The following GATAD2B variants were observed in gnomAD, a reference collection of about 807,000 sequenced individuals.
GATAD2B encodes the protein GATA zinc finger domain containing 2B.
GATAD2B carries 8 observed loss-of-function variants against 64.3 expected under a neutral mutation model. The ratio of observed to expected loss-of-function variants is 0.12; its 90% confidence interval spans 0.07 to 0.22. The LOEUF is 0.22. Among genes scored for constraint, GATAD2B ranks in the 10% least tolerant of loss-of-function variants. The pLI, the probability that GATAD2B is intolerant of heterozygous loss-of-function variation, is 1.00. For missense variants in GATAD2B, 453 were observed against 752.0 expected (o/e 0.60, Z 4.65); for synonymous variants, 281 against 271.3 (o/e 1.04, Z -0.35).
chr1:153,836,638 C>T (rs1053509470), intron 1 of GATAD2B, among the ~76,000 whole-genome samples: 3 of 151,752 alleles, frequency 2.0e-5, no homozygotes, highest in African/African-American at 4.8e-5. Flanking sequence ...GCTATGATTG[C>T]GCCACTCTAC....
At chr1:153,840,341 A>ACTTATTT (rs1244214435) in intron 1 of GATAD2B, among the ~76,000 whole-genome samples, 3 of 109,444 alleles carry the variant, frequency 2.7e-5, no homozygotes, top group East Asian at 4.4e-4. Context: ...TGCTGAAAAT[A>ACTTATTT]CTTATTTTTT....
intron 1 of GATAD2B, among the ~76,000 whole-genome samples, chr1:153,862,206 T>C (rs1676324958): frequency 7.5e-6 from 1 of 132,768 alleles, no homozygotes; most frequent in Non-Finnish European, 1.6e-5. Flanking sequence ...CACTGCAAAC[T>C]CCACCTCCCA....
Position 153,853,606 on chromosome 1 carries a change from G to A in GATAD2B, c.-1-25258C>T, listed in dbSNP as rs72694235. ...CCATTCTGCTGTTTGCTGTGCAGAA[G>A]CTTTTTAGGTTGATGCAGTTCCACT... On this transcript the variant is annotated intron_variant, in intron 1 of 10. Transcript: ENST00000368655. Among the ~76,000 whole-genome samples, 281 of 152,270 alleles carry A rather than the reference G, an allele frequency of 1.8e-3. 1 individual carries two copies. Among genetic ancestry groups the A allele is most frequent in the Admixed American group, 3.2e-3 (49 of 15,286 alleles).
At chr1:153,904,965 C>T (rs954928561) in intron 1 of GATAD2B, among the ~76,000 whole-genome samples, 1 of 152,046 alleles carries the variant, frequency 6.6e-6, no homozygotes, top group Admixed American at 6.6e-5. Context: ...CCTTGGCCTC[C>T]CGAAGTGCTG....
rs148732990 is a variant in GATAD2B at position 153,922,189 on chromosome 1, T to C, written c.-2+544A>G. On this transcript the variant is annotated intron_variant, in intron 1 of 10. Transcript: ENST00000368655. The stretch of plus-strand genomic sequence containing the variant: ...AAAGATAATTATCTGGTGCTTCCTT[T>C]ACCCTTAGATTCCCCATTCGTCCCA... Among the ~76,000 whole-genome samples, 19 of 151,732 alleles carry C rather than the reference T, an allele frequency of 1.3e-4. No individual in the cohort carries two copies. In the East Asian group the frequency reaches 3.7e-3, roughly 30 times the overall value.
chr1:153,907,438 C>T (rs1677977489), intron 1 of GATAD2B, among the ~76,000 whole-genome samples: 1 of 152,010 alleles, frequency 6.6e-6, no homozygotes. Context: ...ATATGAAGTA[C>T]CTGAAGTAGT....
chr1:153,873,742 C>T (rs547109445), intron 1 of GATAD2B, among the ~76,000 whole-genome samples: 4 of 152,076 alleles, frequency 2.6e-5, no homozygotes, highest in Non-Finnish European at 5.9e-5. Context: ...ACAGGAGCTC[C>T]ACTCCAGCCT....
chr1:153,874,826 C>T (rs527568747), intron 1 of GATAD2B, among the ~76,000 whole-genome samples: 41 of 151,994 alleles, frequency 2.7e-4, no homozygotes, highest in African/African-American at 9.2e-4. Flanking sequence ...ATCCACTCGC[C>T]TTGGCCCCCC....
At chr1:153,922,482 G>C (rs559611914) in intron 1 of GATAD2B, among the ~76,000 whole-genome samples, 1 of 149,282 alleles carries the variant, frequency 6.7e-6, no homozygotes, top group Non-Finnish European at 1.5e-5. Context: ...CGCGCGCCAA[G>C]GGGGGAGAGG....
intron 1 of GATAD2B, among the ~76,000 whole-genome samples, chr1:153,893,909 G>A (rs1365921257): frequency 1.6e-5 from 2 of 125,346 alleles, no homozygotes; most frequent in Non-Finnish European, 3.2e-5. Flanking sequence ...AGTGAGCCGA[G>A]ATCGCACCAC....
intron 1 of GATAD2B, among the ~76,000 whole-genome samples, chr1:153,830,700 C>T (rs1236902870): frequency 6.6e-6 from 1 of 151,452 alleles, no homozygotes; most frequent in African/African-American, 2.4e-5. Context: ...TGGTCTCGAT[C>T]TCCTGACCTC....
chr1:153,852,642 G>A, intron 1 of GATAD2B: 2 of 830,046 alleles, frequency 2.4e-6, no homozygotes, highest in East Asian at 2.4e-5. Context: ...CAAGTGAACA[G>A]AAGAACGGAG....
At chr1:153,900,518 TTTTC>T (rs144236032) in intron 1 of GATAD2B, among the ~76,000 whole-genome samples, 6,768 of 152,218 alleles carry the variant, frequency 0.044, 316 homozygotes, top group South Asian at 0.17. Context: ...CTTATTTTCT[TTTTC>T]TTTATTTTTT....
At chr1:153,836,953 TACC>T (rs1675289743) in intron 1 of GATAD2B, among the ~76,000 whole-genome samples, 1 of 152,192 alleles carries the variant, frequency 6.6e-6, no homozygotes, top group Admixed American at 6.6e-5. Flanking sequence ...AGAACCCAGA[TACC>T]TGAATGTCTG....
At chr1:153,849,070 C>CAAACTCCTTGAGCTCAAATG (rs1675793409) in intron 1 of GATAD2B, among the ~76,000 whole-genome samples, 1 of 151,888 alleles carries the variant, frequency 6.6e-6, no homozygotes, top group Non-Finnish European at 1.5e-5. Flanking sequence ...TCCATGTTGC[C>CAAACTCCTTGAGCTCAAATG]AAACTCCTTG....
intron 1 of GATAD2B, among the ~76,000 whole-genome samples, chr1:153,853,850 A>G (rs2101913164): frequency 6.6e-6 from 1 of 152,168 alleles, no homozygotes; most frequent in East Asian, 1.9e-4. Context: ...TGTTGGAGGG[A>G]CTATCCTTGC....
chr1:153,902,243 T>C (rs1031822477), intron 1 of GATAD2B, among the ~76,000 whole-genome samples: 2 of 151,610 alleles, frequency 1.3e-5, no homozygotes, highest in Admixed American at 6.6e-5. Context: ...ATTGCGCCAC[T>C]GCGCTCCAGC....
chr1:153,850,831 G>C (rs935297894), intron 1 of GATAD2B, among the ~76,000 whole-genome samples: 6 of 151,762 alleles, frequency 4.0e-5, no homozygotes, highest in African/African-American at 1.2e-4. Context: ...TGCGGCAGGA[G>C]AATCGCTTGA....
chr1:153,892,912 C>T (rs1055686743), intron 1 of GATAD2B, among the ~76,000 whole-genome samples: 2 of 151,962 alleles, frequency 1.3e-5, no homozygotes, highest in African/African-American at 4.8e-5. Flanking sequence ...CCAAGCTGAT[C>T]TTGAACTCCT....
Sources: allele counts gnomAD v4.1 joint callset (sites outside exome capture counted in the v4.1 genomes callset), GRCh38; gene constraint gnomAD v4.1.1; transcripts MANE v1.5; gene names NCBI Gene and HGNC (gene_info 2026-07-23, HGNC 2026-07-21).